Variants in SLC7A14 observed in about 807,000 individuals in gnomAD.
SLC7A14 encodes solute carrier family 7 member 14.
In SLC7A14, 37 loss-of-function variants were observed where a neutral mutation model predicts 60.2. That is an observed-to-expected ratio of 0.61 (90% CI 0.47 to 0.81). The LOEUF is 0.81. Ranked by LOEUF, SLC7A14 falls within the 30% of genes least tolerant of loss-of-function variation. The probability of loss-of-function intolerance (pLI) is 0.00; values close to 1 mark genes in which losing one functional copy is unlikely to be tolerated. For missense variants in SLC7A14, 886 were observed against 982.7 expected (o/e 0.90, Z 1.32); for synonymous variants, 399 against 395.8 (o/e 1.01, Z -0.10).
intron 7 of SLC7A14, chr3:170,476,768 CA>C (rs1711630718): frequency 6.6e-6 from 1 of 152,294 alleles, no homozygotes; most frequent in African/African-American, 2.4e-5. Context: ...TGCATTTTTA[CA>C]GATAAGTAAA....
At chr3:170,569,216 A>G (rs1015026481) in intron 1 of SLC7A14, among the ~76,000 whole-genome samples, 2 of 152,088 alleles carry the variant, frequency 1.3e-5, no homozygotes, top group African/African-American at 2.4e-5. Flanking sequence ...AGTTTTTAGC[A>G]TGAAGGGTTG....
chr3:170,484,920 A>G (rs1404636247), intron 5 of SLC7A14, among the ~76,000 whole-genome samples: 2 of 152,148 alleles, frequency 1.3e-5, no homozygotes, highest in African/African-American at 4.8e-5. Context: ...CAGGATGGGT[A>G]AAAAGTTGGT....
chr3:170,496,724 C>A (rs1484744242), intron 4 of SLC7A14: 2 of 797,640 alleles, frequency 2.5e-6, no homozygotes. Flanking sequence ...GGGGGCCTCA[C>A]AAGCCCTGGC....
chr3:170,482,508 G>A (rs901571905), intron 6 of SLC7A14, among the ~76,000 whole-genome samples: 2 of 152,222 alleles, frequency 1.3e-5, no homozygotes, highest in Non-Finnish European at 2.9e-5. Flanking sequence ...TCCTTGCTTT[G>A]TGCACTTGAA....
rs1713807395 is a variant in SLC7A14, at chr3:170,535,353, C to G, written c.-152-8265G>C. Among the ~76,000 whole-genome samples the G allele has an allele frequency of 6.6e-6, 1 of 152,084 alleles. No individual in the cohort carries two copies. Among genetic ancestry groups the G allele is most frequent in the Admixed American group, 6.6e-5 (1 of 15,264 alleles). On this transcript the variant is annotated intron_variant, in intron 1 of 7. Transcript: ENST00000231706. The surrounding 1 kb of genome is among the most constrained non-coding windows in gnomAD (Gnocchi z 4.3). ...CAAATAATACCAAAAACCAGTTAAT[C>G]CTTCTATGCCACCATAAAAGATTTA...
At chr3:170,495,611 C>T (rs1712361518) in intron 4 of SLC7A14, 2 of 784,656 alleles carry the variant, frequency 2.5e-6, no homozygotes, top group Non-Finnish European at 2.3e-6. Context: ...ATGGTGGGGC[C>T]AGCGGCATAG....
At chr3:170,488,076 A>T (rs1004792221) in intron 4 of SLC7A14, among the ~76,000 whole-genome samples, 6 of 152,342 alleles carry the variant, frequency 3.9e-5, no homozygotes, top group African/African-American at 1.2e-4. Context: ...AAAATAAAAT[A>T]AAATTAAAAA....
At chr3:170,492,062 A>C (rs543107819) in intron 4 of SLC7A14, among the ~76,000 whole-genome samples, 1 of 152,328 alleles carries the variant, frequency 6.6e-6, no homozygotes, top group African/African-American at 2.4e-5. Context: ...ACAAAGACCC[A>C]TGAAATGAAA....
intron 5 of SLC7A14, among the ~76,000 whole-genome samples, chr3:170,485,227 T>A (rs1055930207): frequency 1.3e-4 from 20 of 152,198 alleles, no homozygotes; most frequent in African/African-American, 3.9e-4. Context: ...GGCAGCTGAA[T>A]GTCTGTAAAC....
rs373351878 is a variant in SLC7A14 at position 170,487,159 on chromosome 3, C to G, written c.760-791G>C. Among the ~76,000 whole-genome samples the G allele has an allele frequency of 9.7e-4, 134 of 138,852 alleles. 3 individuals are homozygous for G. The South Asian group carries it at 0.036, about 38-fold the overall frequency. 91.1% of individuals were successfully genotyped at this position (138,852 alleles called of 152,430 possible). On this transcript the variant is annotated intron_variant, in intron 4 of 7. Transcript: ENST00000231706. Reference sequence around the variant, plus strand: ...GAGTAAAGCTGGGGGATGGTATCCGCTCACATCTGCTGGCAGTCTGTCTGC... The same window carrying G: ...GAGTAAAGCTGGGGGATGGTATCCGGTCACATCTGCTGGCAGTCTGTCTGC...
intron 1 of SLC7A14, among the ~76,000 whole-genome samples, chr3:170,557,331 C>A (rs563593962): frequency 1.3e-5 from 2 of 152,142 alleles, no homozygotes; most frequent in African/African-American, 4.8e-5. Context: ...TGCTGCCCAG[C>A]CGAGCCTGGT....
intron 2 of SLC7A14, among the ~76,000 whole-genome samples, chr3:170,508,656 A>G (rs146811172): frequency 6.6e-6 from 1 of 152,250 alleles, no homozygotes; most frequent in Non-Finnish European, 1.5e-5. Context: ...GTCCTCACCA[A>G]ATACAGCATT....
rs1328892355 is a variant in SLC7A14 at position 170,466,120 on chromosome 3, T to G, written c.*935A>C. ...ACTTTAGAATTTATAATTTTAGAAA[T>G]ATGAAAGAGAATTTGCAATGTGATC... On this transcript the variant is annotated 3_prime_UTR_variant, in exon 8 of 8. Coordinates refer to ENST00000231706, the MANE Select transcript of SLC7A14 (RefSeq NM_020949.3). 1.3e-5 allele frequency: 2 copies of G among 152,210 alleles called. No homozygotes were observed. The highest frequency in any genetic ancestry group is 2.9e-5 in the Non-Finnish European group (2 of 68,048). 9.4% of individuals were successfully genotyped at this position (152,210 alleles called of 1,614,324 possible). A position where few individuals can be genotyped will look rare whatever the true frequency, so the allele number is the denominator to read the frequency against.
rs543812797 is a variant in SLC7A14 at position 170,547,043 on chromosome 3, C to T, written c.-152-19955G>A. On this transcript the variant is annotated intron_variant, in intron 1 of 7. Coordinates refer to ENST00000231706, the MANE Select transcript of SLC7A14 (RefSeq NM_020949.3). ...TGGCATCAGAGACATCAGAAGCCTT[C>T]CCAGGTGATTCTAATGTGCAGCCAT... Among the ~76,000 whole-genome samples, 46 of 152,242 alleles carry T rather than the reference C, an allele frequency of 3.0e-4. 1 individual carries two copies. In the South Asian group the frequency reaches 9.1e-3, roughly 30 times the overall value.
intron 1 of SLC7A14, among the ~76,000 whole-genome samples, chr3:170,574,651 A>G (rs977034914): frequency 6.6e-6 from 1 of 152,224 alleles, no homozygotes; most frequent in African/African-American, 2.4e-5. Context: ...TAGATGGGCC[A>G]ATACAGCATG....
rs190869954 is a variant in SLC7A14 at position 170,557,625 on chromosome 3, C to T, written c.-153+28286G>A. 4.4e-4 allele frequency among the ~76,000 whole-genome samples: 67 copies of T among 152,278 alleles called. 1 individual carries two copies. The highest frequency in any genetic ancestry group is 3.4e-3 in the Middle Eastern group (1 of 294). On this transcript the variant is annotated intron_variant, in intron 1 of 7. Coordinates refer to ENST00000231706, the MANE Select transcript of SLC7A14 (RefSeq NM_020949.3). Reference sequence around the variant, plus strand: ...CTGGCATCCAAACCTTGGTTCAAATCGCAGCTCTTTCACTGACCAGCTGTG... The same window carrying T: ...CTGGCATCCAAACCTTGGTTCAAATTGCAGCTCTTTCACTGACCAGCTGTG...
rs555021447 is a variant in SLC7A14, at chr3:170,460,210, C to A, written c.*6845G>T. On this transcript the variant is annotated 3_prime_UTR_variant, in exon 8 of 8. Transcript: ENST00000231706. ...AAATGCAAGTTGTACTTCTCAAGGA[C>A]GAAACGAAAAAGAAACAAGTTAGTA... 6.6e-6 allele frequency: 1 copy of A among 152,042 alleles called. No homozygotes were observed. Among genetic ancestry groups the A allele is most frequent in the Admixed American group, 6.6e-5 (1 of 15,256 alleles). The allele number at this position is 152,042 out of a possible 1,614,324, so 9.4% of individuals were successfully genotyped here. A position where few individuals can be genotyped will look rare whatever the true frequency, so the allele number is the denominator to read the frequency against.
chr3:170,582,742 A>G (rs1715270149), intron 1 of SLC7A14, among the ~76,000 whole-genome samples: 1 of 152,232 alleles, frequency 6.6e-6, no homozygotes, highest in Admixed American at 6.5e-5. Context: ...TTAAGAGATG[A>G]GAGAGCAAAA....
At chr3:170,486,111 A>G (rs1414700898) in intron 5 of SLC7A14, 111 bp downstream of exon 5, 1 of 1,388,166 alleles carries the variant, frequency 7.2e-7, no homozygotes, top group Non-Finnish European at 9.7e-7. Flanking sequence ...GCTACAGGGG[A>G]CAAAAGACAG....
Sources: allele counts gnomAD v4.1 joint callset (sites outside exome capture counted in the v4.1 genomes callset), GRCh38; gene constraint gnomAD v4.1.1; non-coding constraint Gnocchi (gnomAD v3.1); transcripts MANE v1.5; gene names NCBI Gene and HGNC (gene_info 2026-07-23, HGNC 2026-07-21).